MYO1B: variants seen among roughly 807,000 people sequenced by gnomAD.
MYO1B encodes the protein myosin IB.
Under a neutral mutation model 159.7 loss-of-function variants are expected in MYO1B, and 72 were observed. That is an observed-to-expected ratio of 0.45 (90% CI 0.37 to 0.55). The LOEUF (loss-of-function observed/expected upper bound fraction) is 0.55. Ranked by LOEUF, MYO1B falls within the 20% of genes least tolerant of loss-of-function variation. MYO1B has a pLI of 0.00. For synonymous variants in MYO1B, 468 were observed against 473.8 expected, an observed-to-expected ratio of 0.99 and a Z score of 0.16; for missense variants, 1,062 against 1,364.8, an observed-to-expected ratio of 0.78 and a Z score of 3.50.
At position 191,412,976 on chromosome 2, in the gene MYO1B, A is replaced by C. The variant is rs369987513; in HGVS notation, c.2874-1072A>C. Among the ~76,000 whole-genome samples the C allele has an allele frequency of 2.0e-5, 3 of 152,312 alleles. No homozygotes were observed. In the East Asian group the frequency reaches 5.8e-4, roughly 29 times the overall value. ...TGCTTAACTTATGATGCAGTTACAC[A>C]CAGATAATCCATCATATGGGTTATG... On this transcript the variant is annotated intron_variant, in intron 27 of 30. Transcript: ENST00000392318.
chr2:191,412,066 A>T (rs759339233), intron 27 of MYO1B, among the ~76,000 whole-genome samples: 5 of 152,226 alleles, frequency 3.3e-5, no homozygotes, highest in African/African-American at 1.2e-4. Flanking sequence ...AGGAATATAC[A>T]TTGCCAGACT....
chr2:191,262,342 C>A (rs1028797462), intron 1 of MYO1B, among the ~76,000 whole-genome samples: 1 of 152,124 alleles, frequency 6.6e-6, no homozygotes, highest in Non-Finnish European at 1.5e-5. Flanking sequence ...AACTGAACAA[C>A]TGCACAGAGC....
intron 24 of MYO1B, among the ~76,000 whole-genome samples, chr2:191,402,985 T>C (rs1239002483): frequency 6.6e-6 from 1 of 152,230 alleles, no homozygotes; most frequent in East Asian, 1.9e-4. Flanking sequence ...AAGTTCTAGT[T>C]TGTTATCTTT....
intron 1 of MYO1B, among the ~76,000 whole-genome samples, chr2:191,271,947 A>C (rs752768522): frequency 2.6e-5 from 4 of 152,022 alleles, no homozygotes; most frequent in Non-Finnish European, 4.4e-5. Context: ...GATTGGGTAG[A>C]CTCATTAAGT....
rs142445703 is a variant in MYO1B, at chr2:191,368,868, G to A, written c.1033-674G>A. On this transcript the variant is annotated intron_variant, in intron 11 of 30. Transcript: ENST00000392318. ...ACACACGTGTAGTCCCAGTCACTCG[G>A]GAGGCTGAGGCACGAAAATCCCTTG... Among the ~76,000 whole-genome samples, 902 of 152,190 alleles carry A rather than the reference G, an allele frequency of 5.9e-3. 6 individuals are homozygous for A. The highest frequency in any genetic ancestry group is 0.024 in the Middle Eastern group (7 of 294).
intron 20 of MYO1B, among the ~76,000 whole-genome samples, chr2:191,394,890 T>G (rs555762592): frequency 6.6e-5 from 10 of 152,330 alleles, no homozygotes; most frequent in African/African-American, 2.4e-4. Flanking sequence ...GCCCCAGTTT[T>G]AGAGAATGCA....
At chr2:191,253,363 A>G (rs1229155101) in intron 1 of MYO1B, among the ~76,000 whole-genome samples, 2 of 152,114 alleles carry the variant, frequency 1.3e-5, no homozygotes, top group African/African-American at 4.8e-5. Flanking sequence ...TCCTGTGGGA[A>G]TGTGCATTCC....
chr2:191,397,120 G>A (rs977004109), intron 21 of MYO1B, among the ~76,000 whole-genome samples: 2 of 52,146 alleles, frequency 3.8e-5, no homozygotes, highest in Non-Finnish European at 8.8e-5. Flanking sequence ...AGCAAAAGAA[G>A]ATGATTTCTT....
intron 30 of MYO1B, 115 bp downstream of exon 30, chr2:191,416,357 G>T: frequency 5.5e-6 from 7 of 1,267,466 alleles, no homozygotes; most frequent in Non-Finnish European, 7.8e-6. Context: ...TATGTGTCTA[G>T]TAGTTGTTCC....
At position 191,421,386 on chromosome 2, in the gene MYO1B, A is replaced by G. The variant is rs1358584523; in HGVS notation, c.3288-2451A>G. On this transcript the variant is annotated intron_variant, in intron 30 of 30. Transcript: ENST00000392318. Reference sequence around the variant, plus strand: ...TGCCTGGCCTCTAGTGTGAATATTAATCAGGAATTATAGACATGGAAACAG... The same window carrying G: ...TGCCTGGCCTCTAGTGTGAATATTAGTCAGGAATTATAGACATGGAAACAG... Among the ~76,000 whole-genome samples, 2 of 152,004 alleles carry G rather than the reference A, an allele frequency of 1.3e-5. 1 individual carries two copies. The highest frequency in any genetic ancestry group is 3.9e-4 in the East Asian group (2 of 5,162).
intron 3 of MYO1B, among the ~76,000 whole-genome samples, chr2:191,325,848 A>G (rs1691025359): frequency 6.6e-6 from 1 of 152,166 alleles, no homozygotes; most frequent in South Asian, 2.1e-4. Flanking sequence ...AGAAAATAAC[A>G]GATGAGCCCC....
At chr2:191,263,979 T>C (rs1331205393) in intron 1 of MYO1B, among the ~76,000 whole-genome samples, 1 of 152,220 alleles carries the variant, frequency 6.6e-6, no homozygotes, top group Non-Finnish European at 1.5e-5. Flanking sequence ...TAGTGTCTTT[T>C]GTTCTTCATA....
chr2:191,362,456 T>C (rs911251589), intron 9 of MYO1B, 85 bp downstream of exon 9: 3 of 983,530 alleles, frequency 3.1e-6, no homozygotes, highest in Admixed American at 4.2e-5. Flanking sequence ...GAGTTTTCTT[T>C]AAAGTGTAGC....
chr2:191,418,506 T>TTTTTTG (rs869185365), intron 30 of MYO1B, among the ~76,000 whole-genome samples: 1 of 143,698 alleles, frequency 7.0e-6, no homozygotes, highest in Admixed American at 6.9e-5. Flanking sequence ...TTTTTTTTTT[T>TTTTTTG]GAGGCAGAGT....
In MYO1B at chr2:191,296,172, C is replaced by G. The variant is rs1559147732; in HGVS notation, c.197C>G (p.Pro66Arg). Residue 66 changes from proline to arginine, a missense_variant, in exon 3 of 31, where the codon CCA becomes CGA. Physicochemically the swap from Pro to Arg is moderately radical, Grantham distance 103. Coordinates refer to ENST00000392318, the MANE Select transcript of MYO1B (RefSeq NM_001130158.3). ...NPYRSLPIYS[P>R]EKVEEYRNRN... The stretch of plus-strand genomic sequence containing the variant: ...TACCGGTCTTTACCCATTTATTCAC[C>G]AGAGAAAGTGGAAGAATACAGGAAC... The G allele has an allele frequency of 1.9e-6, 3 of 1,610,320 alleles. No homozygotes were observed. In the Admixed American group the frequency reaches 5.0e-5, roughly 27 times the overall value.
chr2:191,245,771 C>G (rs1685745473), intron 1 of MYO1B, 145 bp downstream of exon 1: 1 of 152,102 alleles, frequency 6.6e-6, no homozygotes, highest in Non-Finnish European at 1.5e-5. Flanking sequence ...CTCTGCCGCT[C>G]TCTTGGGAGA....
At chr2:191,348,351 G>C (rs982297324) in intron 6 of MYO1B, among the ~76,000 whole-genome samples, 1 of 152,016 alleles carries the variant, frequency 6.6e-6, no homozygotes, top group African/African-American at 2.4e-5. Flanking sequence ...CTGCTTCCTG[G>C]TGCCTGACCT....
intron 30 of MYO1B, among the ~76,000 whole-genome samples, chr2:191,421,056 T>C (rs1697903629): frequency 6.8e-6 from 1 of 146,242 alleles, no homozygotes; most frequent in East Asian, 2.1e-4. Flanking sequence ...CCTATTGTTA[T>C]TTCTAGTGTG....
intron 2 of MYO1B, among the ~76,000 whole-genome samples, chr2:191,286,356 G>T (rs1268610302): frequency 6.8e-6 from 1 of 147,538 alleles, no homozygotes; most frequent in African/African-American, 2.5e-5. Flanking sequence ...AAAAAAAAAA[G>T]ACCGAGGCCC....
Sources: allele counts gnomAD v4.1 joint callset (sites outside exome capture counted in the v4.1 genomes callset), GRCh38; gene constraint gnomAD v4.1.1; transcripts MANE v1.5; gene names NCBI Gene and HGNC (gene_info 2026-07-23, HGNC 2026-07-21).